The following GNAT2 variants were observed in gnomAD, a reference collection of about 807,000 sequenced individuals.
GNAT2 encodes G protein subunit alpha transducin 2, also known as guanine nucleotide-binding protein G(t) subunit alpha-2.
In GNAT2, 32 loss-of-function variants were observed where a neutral mutation model predicts 40.9. The ratio of observed to expected loss-of-function variants is 0.78; its 90% CI spans 0.59 to 1.05. The LOEUF is 1.05. Ranked by LOEUF, GNAT2 falls within the 50% of genes least tolerant of loss-of-function variation. The pLI is 0.00. For synonymous variants in GNAT2, 141 were observed against 157.2 expected (o/e 0.90, Z 0.77); for missense variants, 355 against 431.5 (o/e 0.82, Z 1.57).
Position 109,610,328 on chromosome 1 carries a change from A to G in GNAT2, c.161+137T>C, listed in dbSNP as rs1371666868. On this transcript the variant is annotated intron_variant, in intron 3 of 8. Transcript: ENST00000679935. Reference sequence around the variant, plus strand: ...AAGTGGAGGGTGAGGGACAAGGGGTACAGATGAGGGGCATTGGAATCAGAT... The same window carrying G: ...AAGTGGAGGGTGAGGGACAAGGGGTGCAGATGAGGGGCATTGGAATCAGAT... 4.2e-6 allele frequency: 5 copies of G among 1,187,700 alleles called. No homozygotes were observed. In the African/African-American group the frequency reaches 7.5e-5, roughly 18 times the overall value. 73.6% of individuals were successfully genotyped at this position (1,187,700 alleles called of 1,614,324 possible).
intron 4 of GNAT2, chr1:109,609,178 T>C (rs1649712371): frequency 7.9e-6 from 2 of 252,390 alleles, no homozygotes; most frequent in Non-Finnish European, 1.6e-5. Flanking sequence ...CCATCACCTT[T>C]GTTCTTCAGC....
intron 4 of GNAT2, chr1:109,609,175 C>A: frequency 7.7e-6 from 2 of 261,040 alleles, no homozygotes; most frequent in South Asian, 4.8e-5. Context: ...GACCCATCAC[C>A]TTTGTTCTTC....
intron 5 of GNAT2, chr1:109,607,493 T>A (rs1649647763): frequency 6.7e-6 from 1 of 148,840 alleles, no homozygotes; most frequent in Non-Finnish European, 1.5e-5. Context: ...TGAACTGAGA[T>A]GACTGAGAGG....
intron 1 of GNAT2, chr1:109,615,234 G>C (rs911128208): frequency 1.3e-5 from 2 of 152,250 alleles, no homozygotes; most frequent in African/African-American, 4.8e-5. Context: ...GCTGGGCATA[G>C]TGGCGCATGC....
Position 109,603,414 on chromosome 1 carries a change from C to G in GNAT2, c.1005G>C (p.Val335=). 1 of 1,606,598 alleles carries G rather than the reference C, an allele frequency of 6.2e-7. No individual in the cohort carries two copies. The highest frequency in any genetic ancestry group is 8.5e-7 in the Non-Finnish European group (1 of 1,173,222). ...CATDTQNVKF[V]FDAVTDIIIK... is the part of the protein sequence containing the mutation. ...TGATAATATCTGTAACTGCATCAAA[C>G]ACAAATTTGACATTCTGTGTATCTG... Residue 335 remains valine, a synonymous_variant, in exon 9 of 9, where the codon GTG becomes GTC. Coordinates refer to ENST00000679935, the MANE Select transcript of GNAT2 (RefSeq NM_001377295.2).
At chr1:109,610,965 G>C (rs1303576200) in intron 2 of GNAT2, 1 of 202,868 alleles carries the variant, frequency 4.9e-6, no homozygotes, top group Non-Finnish European at 1.0e-5. Flanking sequence ...ATTGGAGAGA[G>C]CTGGATCATT....
rs1245174134 is a variant in GNAT2 at position 109,610,780 on chromosome 1, G to A, written c.119-273C>T. ...CATTCCTGGCCTCTACCCACTAGAG[G>A]CCAATAGCATCCCACTTCCCTAGTT... On this transcript the variant is annotated intron_variant, in intron 2 of 8. Coordinates refer to ENST00000679935, the MANE Select transcript of GNAT2 (RefSeq NM_001377295.2). The A allele has an allele frequency of 7.4e-6, 4 of 538,536 alleles. No individual in the cohort carries two copies. The East Asian group carries it at 9.9e-5, about 13-fold the overall frequency. 33.4% of individuals were successfully genotyped at this position (538,536 alleles called of 1,614,324 possible). A position where few individuals can be genotyped will look rare whatever the true frequency, so the allele number is the denominator to read the frequency against.
intron 1 of GNAT2, among the ~76,000 whole-genome samples, chr1:109,618,819 G>A (rs1025967126): frequency 2.1e-4 from 32 of 152,150 alleles, no homozygotes; most frequent in African/African-American, 7.5e-4. Flanking sequence ...GGGATCAATG[G>A]AAGTGGCACC....
intron 5 of GNAT2, chr1:109,608,279 C>T (rs1649671351): frequency 2.7e-6 from 1 of 366,218 alleles, no homozygotes; most frequent in Non-Finnish European, 5.3e-6. Flanking sequence ...AACTGCAGGG[C>T]TATCTTAGGG....
Position 109,604,024 on chromosome 1 carries a change from A to T in GNAT2, c.801T>A (p.Phe267Leu). Residue 267 changes from phenylalanine (F) to leucine (L), a missense_variant, in exon 8 of 9, where the codon TTT becomes TTA. Phe to Leu is a conservative substitution (Grantham distance 22). Transcript: ENST00000679935. ...CCTCAAAGAGGTCCTTCTTGTTGAGAAAGAGGACAATGGAAGTAGCCGCAA... is the reference window on the plus strand; with the variant it reads ...CCTCAAAGAGGTCCTTCTTGTTGAGTAAGAGGACAATGGAAGTAGCCGCAA... ...KFFAATSIVLFLNKKDLFEEK... is the reference protein window; with the variant it reads ...KFFAATSIVLLLNKKDLFEEK... The T allele has an allele frequency of 1.9e-6, 3 of 1,609,830 alleles. No homozygotes were observed. The highest frequency in any genetic ancestry group is 2.6e-6 in the Non-Finnish European group (3 of 1,176,056).
chr1:109,604,882 CAT>C (rs1647605763), intron 7 of GNAT2: 1 of 152,436 alleles, frequency 6.6e-6, no homozygotes, highest in African/African-American at 2.4e-5. Flanking sequence ...TTTAAGGTCT[CAT>C]AGACTTGTTT....
At position 109,610,161 on chromosome 1, in the gene GNAT2, T is replaced by C; in HGVS notation, c.182A>G (p.Tyr61Cys). The C allele has an allele frequency of 6.2e-7, 1 of 1,614,022 alleles. No homozygotes were observed. Among genetic ancestry groups the C allele is most frequent in the Non-Finnish European group, 8.5e-7 (1 of 1,179,898 alleles). The part of the protein sequence containing the change: ...KQMKIIHQDG[Y>C]SPEECLEFKA... Reference sequence around the variant, plus strand: ...GAACTCCAGGCATTCTTCTGGTGAATAGCCATCCTGGTGAATGATCCTGCA... The same window carrying C: ...GAACTCCAGGCATTCTTCTGGTGAACAGCCATCCTGGTGAATGATCCTGCA... Residue 61 changes from tyrosine to cysteine, a missense_variant, in exon 4 of 9, where the codon TAT (tyrosine) becomes TGT (cysteine). Coordinates refer to ENST00000679935, the MANE Select transcript of GNAT2 (RefSeq NM_001377295.2).
intron 2 of GNAT2, chr1:109,611,178 A>ATT (rs55923624): frequency 1.2e-4 from 17 of 136,172 alleles, no homozygotes; most frequent in African/African-American, 3.9e-4. Flanking sequence ...GCCCGACTAC[A>ATT]TTTTTTTTTT....
chr1:109,613,973 T>G (rs1229920135), intron 1 of GNAT2: 2 of 152,232 alleles, frequency 1.3e-5, no homozygotes, highest in African/African-American at 4.8e-5. Flanking sequence ...GGGTGCAGTC[T>G]AGCAACTGCC....
chr1:109,613,729 G>A (rs999108178), intron 1 of GNAT2: 3 of 152,318 alleles, frequency 2.0e-5, no homozygotes, highest in African/African-American at 7.2e-5. Flanking sequence ...CAGGAAAAGG[G>A]TGTATGGTGA....
Position 109,603,951 on chromosome 1 carries a change from C to G in GNAT2, c.874G>C (p.Gly292Arg). 1.3e-6 allele frequency: 2 copies of G among 1,597,652 alleles called. No homozygotes were observed. Among genetic ancestry groups the G allele is most frequent in the Non-Finnish European group, 1.7e-6 (2 of 1,165,698 alleles). Residue 292 changes from glycine to arginine, a missense_variant and splice_region_variant, in exon 8 of 9, where the codon GGT becomes CGT. Transcript: ENST00000679935. ...HLSICFPEYDGNNSYDDAGNY... is the reference protein window; with the variant it reads ...HLSICFPEYDRNNSYDDAGNY... Reference sequence around the variant, plus strand: ...ATTATTTCCAGCCCCTGACACTTACCATCATACTCTGGAAAACAAATGCTG... The same window carrying G: ...ATTATTTCCAGCCCCTGACACTTACGATCATACTCTGGAAAACAAATGCTG...
rs1025434520 is a variant in GNAT2 at position 109,613,122 on chromosome 1, G to A, written c.-53-199C>T. ...GATTGTAGCCTTTATATCTAGCAATGTGATAGGTCAAGCCAATTAAGAGCT... is the reference window on the plus strand; with the variant it reads ...GATTGTAGCCTTTATATCTAGCAATATGATAGGTCAAGCCAATTAAGAGCT... On this transcript the variant is annotated intron_variant, in intron 1 of 8. Transcript: ENST00000679935. 1.9e-5 allele frequency: 9 copies of A among 477,196 alleles called. No individual in the cohort carries two copies. In the East Asian group the frequency reaches 3.9e-4, roughly 21 times the overall value. 29.6% of individuals were successfully genotyped at this position (477,196 alleles called of 1,614,324 possible). A position where few individuals can be genotyped will look rare whatever the true frequency, so the allele number is the denominator to read the frequency against.
intron 1 of GNAT2, chr1:109,617,665 A>C (rs573503069): frequency 6.6e-6 from 1 of 152,348 alleles, no homozygotes; most frequent in Non-Finnish European, 1.5e-5. Flanking sequence ...GGTGTGTTGC[A>C]GATGGGACTA....
At chr1:109,606,278 C>G (rs745663961) in intron 6 of GNAT2, 30 bp downstream of exon 6, 1 of 1,612,624 alleles carries the variant, frequency 6.2e-7, no homozygotes, top group East Asian at 2.2e-5. Flanking sequence ...ACACGTGTAT[C>G]CGAGATGCCC....
Sources: allele counts gnomAD v4.1 joint callset (sites outside exome capture counted in the v4.1 genomes callset), GRCh38; gene constraint gnomAD v4.1.1; transcripts MANE v1.5; gene names NCBI Gene and HGNC (gene_info 2026-07-23, HGNC 2026-07-21).